Variants in PIK3C2G observed in about 807,000 individuals in gnomAD.
PIK3C2G encodes the protein phosphatidylinositol 3-kinase C2 domain-containing subunit gamma.
A neutral mutation model predicts 181.1 loss-of-function variants in PIK3C2G; 168 were observed. The observed-to-expected ratio is 0.93, with a 90% confidence interval of 0.82 to 1.05. The LOEUF (loss-of-function observed/expected upper bound fraction) is 1.05. Ranked by LOEUF, PIK3C2G falls within the 50% of genes least tolerant of loss-of-function variation. PIK3C2G has a pLI of 0.00. For missense variants in PIK3C2G, 1,869 were observed against 1,732.8 expected (o/e 1.08, Z -1.40); for synonymous variants, 573 against 592.2 (o/e 0.97, Z 0.47).
intron 31 of PIK3C2G, among the ~76,000 whole-genome samples, chr12:18,624,047 C>T (rs1948985320): frequency 1.3e-5 from 2 of 151,650 alleles, no homozygotes; most frequent in Admixed American, 1.3e-4. Context: ...TCTAATTGCT[C>T]AGGATGGATA....
intron 5 of PIK3C2G, among the ~76,000 whole-genome samples, chr12:18,303,142 T>C (rs893607237): frequency 3.5e-5 from 2 of 57,408 alleles, no homozygotes; most frequent in East Asian, 6.6e-4. Flanking sequence ...TTCTTTCTTT[T>C]CTTTTCTTTC....
At chr12:18,660,052 C>G in the PIK3C2G span, among the ~76,000 whole-genome samples, 1 of 152,068 alleles carries the variant, frequency 6.6e-6, no homozygotes, top group Non-Finnish European at 1.5e-5. Flanking sequence ...ATTTATCTCC[C>G]CTCCAACAGA....
At chr12:18,306,164 G>T (rs1950412597) in intron 5 of PIK3C2G, among the ~76,000 whole-genome samples, 1 of 151,970 alleles carries the variant, frequency 6.6e-6, no homozygotes, top group Non-Finnish European at 1.5e-5. Flanking sequence ...GAGTGAGGAG[G>T]CATTAGGGAT....
At chr12:18,476,362 T>C (rs981136611) in intron 18 of PIK3C2G, among the ~76,000 whole-genome samples, 1 of 152,116 alleles carries the variant, frequency 6.6e-6, no homozygotes, top group Non-Finnish European at 1.5e-5. Flanking sequence ...TGATTGGAAA[T>C]ATGAGATAAG....
intron 24 of PIK3C2G, among the ~76,000 whole-genome samples, chr12:18,531,694 G>A (rs955441323): frequency 6.6e-6 from 1 of 152,122 alleles, no homozygotes; most frequent in Non-Finnish European, 1.5e-5. Flanking sequence ...ATTAATTCAA[G>A]CTGTTGTGTT....
chr12:18,352,416 G>A (rs1242624829), intron 11 of PIK3C2G, among the ~76,000 whole-genome samples: 3 of 152,182 alleles, frequency 2.0e-5, no homozygotes, highest in Non-Finnish European at 4.4e-5. Context: ...TGGGAGGGGA[G>A]GACATACAGG....
intron 29 of PIK3C2G, among the ~76,000 whole-genome samples, chr12:18,580,036 G>A (rs959805209): frequency 5.3e-5 from 8 of 151,930 alleles, no homozygotes; most frequent in African/African-American, 1.9e-4. Flanking sequence ...GGGAGGCTGA[G>A]GCAGGAGAAT....
chr12:18,287,070 T>C (rs968956611), intron 3 of PIK3C2G, 141 bp downstream of exon 3: 8 of 419,618 alleles, frequency 1.9e-5, no homozygotes, highest in African/African-American at 1.2e-4. Flanking sequence ...TAAAATTTTT[T>C]GACAAATTAG....
chr12:18,632,404 A>G (rs1056953383), intron 31 of PIK3C2G, among the ~76,000 whole-genome samples: 4 of 152,302 alleles, frequency 2.6e-5, no homozygotes, highest in Non-Finnish European at 4.4e-5. Flanking sequence ...CATCCAATGA[A>G]AAGTTAAGAT....
At chr12:18,534,232 G>A (rs1044390692) in intron 24 of PIK3C2G, among the ~76,000 whole-genome samples, 6 of 152,036 alleles carry the variant, frequency 3.9e-5, no homozygotes, top group East Asian at 1.9e-4. Flanking sequence ...TTACAGGTGT[G>A]AGCCACCATG....
At chr12:18,474,989 A>C (rs1938826359) in intron 18 of PIK3C2G, among the ~76,000 whole-genome samples, 1 of 152,138 alleles carries the variant, frequency 6.6e-6, no homozygotes, top group Non-Finnish European at 1.5e-5. Context: ...GAAGAGTCTC[A>C]TTAAGGCAAG....
intron 18 of PIK3C2G, among the ~76,000 whole-genome samples, chr12:18,442,871 T>C (rs943653657): frequency 6.6e-6 from 1 of 151,968 alleles, no homozygotes; most frequent in Non-Finnish European, 1.5e-5. Flanking sequence ...GTCAATATCC[T>C]ACATTTTTTT....
chr12:18,282,611 C>T lies in PIK3C2G; in HGVS notation c.530C>T (p.Pro177Leu). ...YHIGFESSIPPTNSSFSSDFM... is the reference protein window; with the variant it reads ...YHIGFESSIPLTNSSFSSDFM... The stretch of plus-strand genomic sequence containing the variant: ...ATAGGATTTGAAAGTAGCATTCCTC[C>T]AACAAATTCATCCTTCTCAAGTGAC... Residue 177 changes from proline to leucine, a missense_variant, in exon 2 of 33, where the codon CCA (proline) becomes CTA (leucine). Physicochemically the swap from Pro to Leu is moderately conservative, Grantham distance 98 (BLOSUM62 -3). Coordinates refer to ENST00000538779, the MANE Select transcript of PIK3C2G (RefSeq NM_001288772.2). 8.1e-6 allele frequency: 13 copies of T among 1,612,976 alleles called. No homozygotes were observed. The highest frequency in any genetic ancestry group is 1.0e-5 in the Non-Finnish European group (12 of 1,179,148).
intron 24 of PIK3C2G, among the ~76,000 whole-genome samples, chr12:18,522,623 T>C (rs969154093): frequency 2.0e-5 from 3 of 152,046 alleles, no homozygotes. Flanking sequence ...TTGTAGTCCA[T>C]TGAATGTGAT....
chr12:18,650,718 A>ATATC (rs1565602694), downstream of PIK3C2G, among the ~76,000 whole-genome samples: 4 of 7,112 alleles, frequency 5.6e-4, no homozygotes, highest in Admixed American at 4.0e-3. Flanking sequence ...ATATCTATAT[A>ATATC]TATATATATA....
At chr12:18,724,206 C>CA in the PIK3C2G span, among the ~76,000 whole-genome samples, 1 of 151,962 alleles carries the variant, frequency 6.6e-6, no homozygotes, top group African/African-American at 2.4e-5. Context: ...TAGAGAACTG[C>CA]AGGTAAGAGC....
intron 1 of PIK3C2G, among the ~76,000 whole-genome samples, chr12:18,281,541 G>T (rs1949219712): frequency 6.6e-6 from 1 of 151,960 alleles, no homozygotes; most frequent in Admixed American, 6.6e-5. Context: ...AAAAAGTTTA[G>T]CTAACCATAT....
At chr12:18,431,570 T>C (rs1045532776) in intron 18 of PIK3C2G, among the ~76,000 whole-genome samples, 3 of 152,164 alleles carry the variant, frequency 2.0e-5, no homozygotes, top group African/African-American at 7.2e-5. Flanking sequence ...AGGAGGTAAA[T>C]GCTCTCTCTT....
chr12:18,606,230 C>T (rs1948014829), intron 30 of PIK3C2G, among the ~76,000 whole-genome samples: 1 of 152,098 alleles, frequency 6.6e-6, no homozygotes, highest in Non-Finnish European at 1.5e-5. Flanking sequence ...ACTATTTAGG[C>T]AGTCAATCAC....
Sources: allele counts gnomAD v4.1 joint callset (sites outside exome capture counted in the v4.1 genomes callset), GRCh38; gene constraint gnomAD v4.1.1; transcripts MANE v1.5; gene names NCBI Gene and HGNC (gene_info 2026-07-23, HGNC 2026-07-21).